CNST: variants seen among roughly 807,000 people sequenced by gnomAD.
CNST encodes the protein consortin, connexin sorting protein.
In CNST, 39 loss-of-function variants were observed where a neutral mutation model predicts 72.4. That is an observed-to-expected ratio of 0.54 (90% CI 0.42 to 0.70). The LOEUF is 0.70. Ranked by LOEUF, CNST falls within the 30% of genes least tolerant of loss-of-function variation. The pLI is 0.00. For missense variants in CNST, 871 were observed against 868.5 expected, an observed-to-expected ratio of 1.00 and a Z score of -0.04; for synonymous variants, 332 against 320.1, an observed-to-expected ratio of 1.04 and a Z score of -0.40.
At chr1:246,642,631 A>G (rs971861836) in intron 8 of CNST, among the ~76,000 whole-genome samples, 26 of 151,756 alleles carry the variant, frequency 1.7e-4, no homozygotes, top group Admixed American at 1.7e-3. Context: ...AATGTTTGGC[A>G]TGTTGCTCAT....
intron 1 of CNST, among the ~76,000 whole-genome samples, chr1:246,578,471 A>T (rs965333846): frequency 1.3e-5 from 2 of 151,884 alleles, no homozygotes; most frequent in Non-Finnish European, 2.9e-5. Flanking sequence ...GGAGATCGAG[A>T]CCATCCTGGC....
intron 2 of CNST, among the ~76,000 whole-genome samples, chr1:246,601,750 T>C (rs1251562458): frequency 2.0e-5 from 3 of 152,270 alleles, no homozygotes; most frequent in Admixed American, 6.5e-5. Flanking sequence ...GCCGAGATCA[T>C]GCCATTGCAT....
chr1:246,591,656 C>T lies in CNST; in HGVS notation c.94C>T (p.Leu32=), dbSNP rs1466495745. 8 of 1,614,232 alleles carry T rather than the reference C, an allele frequency of 5.0e-6. No individual in the cohort carries two copies. Among genetic ancestry groups the T allele is most frequent in the Non-Finnish European group, 6.8e-6 (8 of 1,180,042 alleles). Residue 32 remains leucine, a synonymous_variant, in exon 2 of 11, where the codon CTG becomes TTG. Transcript: ENST00000366513. ...CAGCGTGGAAAGGAGTGTGACCTGTCTGCCTTCTGCATCAGATGAAAATGA... is the reference window on the plus strand; with the variant it reads ...CAGCGTGGAAAGGAGTGTGACCTGTTTGCCTTCTGCATCAGATGAAAATGA... ...GDSVERSVTC[L]PSASDENENQ...
chr1:246,619,935 A>G (rs544667698), intron 2 of CNST, among the ~76,000 whole-genome samples: 117 of 126,680 alleles, frequency 9.2e-4, no homozygotes, highest in African/African-American at 3.4e-3. Flanking sequence ...CTCTGGGAAC[A>G]CTACAGGGAG....
chr1:246,628,528 C>A, intron 3 of CNST, among the ~76,000 whole-genome samples: 1 of 152,180 alleles, frequency 6.6e-6, no homozygotes, highest in Non-Finnish European at 1.5e-5. Flanking sequence ...TTTTAAAGTT[C>A]TTGTTCTTAG....
At chr1:246,589,549 A>G (rs1214311375) in intron 1 of CNST, among the ~76,000 whole-genome samples, 4 of 151,964 alleles carry the variant, frequency 2.6e-5, no homozygotes, top group Admixed American at 2.0e-4. Context: ...AGTCTTTGCT[A>G]TTGTGAATAG....
chr1:246,665,959 C>A lies in CNST; in HGVS notation c.*54C>A. The A allele has an allele frequency of 7.6e-7, 1 of 1,316,210 alleles. No homozygotes were observed. 81.5% of individuals were successfully genotyped at this position (1,316,210 alleles called of 1,614,324 possible). A position where few individuals can be genotyped will look rare whatever the true frequency, so the allele number is the denominator to read the frequency against. The stretch of plus-strand genomic sequence containing the variant: ...GTGAGAGTGAAAGGCGGGAGACTTT[C>A]TAAACAGTTTTTCTTTCAGGAATTC... On this transcript the variant is annotated 3_prime_UTR_variant, in exon 11 of 11. Coordinates refer to ENST00000366513, the MANE Select transcript of CNST (RefSeq NM_152609.3).
At chr1:246,586,824 T>A (rs1661231786) in intron 1 of CNST, among the ~76,000 whole-genome samples, 1 of 152,212 alleles carries the variant, frequency 6.6e-6, no homozygotes, top group African/African-American at 2.4e-5. Context: ...TATTGGAAAT[T>A]GTTCATTTTG....
chr1:246,646,802 G>A (rs887931514), intron 8 of CNST, among the ~76,000 whole-genome samples: 10 of 152,324 alleles, frequency 6.6e-5, no homozygotes, highest in African/African-American at 2.2e-4. Flanking sequence ...CCTTAAATGT[G>A]CTGAAAATAA....
intron 2 of CNST, chr1:246,606,390 G>A (rs578088775): frequency 3.9e-5 from 6 of 152,102 alleles, no homozygotes; most frequent in South Asian, 4.1e-4. Flanking sequence ...TGTTTGAAGC[G>A]ATTTCTAGAA....
At chr1:246,582,774 A>G (rs528853188) in intron 1 of CNST, among the ~76,000 whole-genome samples, 3 of 152,142 alleles carry the variant, frequency 2.0e-5, no homozygotes, top group African/African-American at 7.2e-5. Flanking sequence ...TTCTCTTGAG[A>G]TTACCTCTCC....
At chr1:246,593,599 C>T (rs1661689026) in intron 2 of CNST, among the ~76,000 whole-genome samples, 1 of 152,152 alleles carries the variant, frequency 6.6e-6, no homozygotes, top group African/African-American at 2.4e-5. Flanking sequence ...ACCTCTGCCT[C>T]CCAAAGTGCT....
rs1018056236 is a variant in CNST, at chr1:246,578,620, A to G, written c.-52+11957A>G. On this transcript the variant is annotated intron_variant, in intron 1 of 10. Transcript: ENST00000366513. ...CGGGAGGCGGAGGTTGCAGTGAGCCAATATCGTGCCACTGCACTCCAGCCT... is the reference window on the plus strand; with the variant it reads ...CGGGAGGCGGAGGTTGCAGTGAGCCGATATCGTGCCACTGCACTCCAGCCT... 4.6e-5 allele frequency among the ~76,000 whole-genome samples: 7 copies of G among 152,214 alleles called. No individual in the cohort carries two copies. The East Asian group carries it at 5.8e-4, about 13-fold the overall frequency.
At chr1:246,577,139 A>G (rs1366390386) in intron 1 of CNST, among the ~76,000 whole-genome samples, 1 of 152,088 alleles carries the variant, frequency 6.6e-6, no homozygotes, top group Non-Finnish European at 1.5e-5. Context: ...AGTAGGGAAA[A>G]GAACATGTGC....
rs150957502 is a variant in CNST, at chr1:246,605,182, A to T, written c.379+13241A>T. ...GGTAAAATTTAGCCATTTTGATATTAGCAAAGTCAGTGTACTTCCAATGGA... is the reference window on the plus strand; with the variant it reads ...GGTAAAATTTAGCCATTTTGATATTTGCAAAGTCAGTGTACTTCCAATGGA... On this transcript the variant is annotated intron_variant, in intron 2 of 10. Transcript: ENST00000366513. Among the ~76,000 whole-genome samples the T allele has an allele frequency of 2.2e-3, 330 of 152,352 alleles. 1 individual carries two copies. The highest frequency in any genetic ancestry group is 7.6e-3 in the African/African-American group (317 of 41,588).
At chr1:246,646,905 A>G (rs1026405597) in intron 8 of CNST, among the ~76,000 whole-genome samples, 4 of 152,222 alleles carry the variant, frequency 2.6e-5, no homozygotes, top group South Asian at 2.1e-4. Context: ...AATGAGGACT[A>G]AGTGATTTAT....
At chr1:246,618,142 C>T (rs1663822901) in intron 2 of CNST, among the ~76,000 whole-genome samples, 1 of 152,184 alleles carries the variant, frequency 6.6e-6, no homozygotes, top group African/African-American at 2.4e-5. Context: ...TAAATAGTTG[C>T]TCAAGCTTCT....
intron 1 of CNST, among the ~76,000 whole-genome samples, chr1:246,585,631 G>A (rs1661092723): frequency 8.8e-6 from 1 of 114,250 alleles, no homozygotes; most frequent in South Asian, 3.1e-4. Context: ...GGGCAACAGA[G>A]ACTCTGTCTC....
At chr1:246,621,860 T>A (rs1664115943) in intron 3 of CNST, among the ~76,000 whole-genome samples, 1 of 152,160 alleles carries the variant, frequency 6.6e-6, no homozygotes, top group Non-Finnish European at 1.5e-5. Context: ...CCGGGCATGG[T>A]GGTGCACACC....
Sources: allele counts gnomAD v4.1 joint callset (sites outside exome capture counted in the v4.1 genomes callset), GRCh38; gene constraint gnomAD v4.1.1; transcripts MANE v1.5; gene names NCBI Gene and HGNC (gene_info 2026-07-23, HGNC 2026-07-21).